Variants in ARHGAP22 observed in about 807,000 individuals in gnomAD.
The protein encoded by ARHGAP22 is Rho GTPase activating protein 22.
ARHGAP22 carries 48 observed loss-of-function variants against 59.1 expected under a neutral mutation model. The ratio of observed to expected loss-of-function variants is 0.81; its 90% CI spans 0.64 to 1.03. ARHGAP22 has a LOEUF of 1.03. Among genes scored for constraint, ARHGAP22 ranks in the 50% least tolerant of loss-of-function variants. The pLI, the probability that ARHGAP22 is intolerant of heterozygous loss-of-function variation, is 0.00. For synonymous variants in ARHGAP22, 445 were observed against 416.4 expected (o/e 1.07, Z -0.84); for missense variants, 1,015 against 958.7 (o/e 1.06, Z -0.78).
At chr10:48,615,044 T>G (rs1487115052) in intron 1 of ARHGAP22, among the ~76,000 whole-genome samples, 1 of 152,198 alleles carries the variant, frequency 6.6e-6, no homozygotes, top group African/African-American at 2.4e-5. Flanking sequence ...CCTAAAGCTC[T>G]GGAGAAAAGG....
intron 3 of ARHGAP22, among the ~76,000 whole-genome samples, chr10:48,534,425 G>A (rs2055159972): frequency 6.6e-6 from 1 of 152,212 alleles, no homozygotes; most frequent in South Asian, 2.1e-4. Flanking sequence ...ATGGGAAAGA[G>A]CAGGAGGCCA....
chr10:48,441,527 C>G (rs190759227), downstream of ARHGAP22, among the ~76,000 whole-genome samples: 363 of 151,260 alleles, frequency 2.4e-3, 1 homozygote, highest in African/African-American at 8.4e-3. Flanking sequence ...TCTCCGCTCA[C>G]TGCAAACTCC....
At chr10:48,545,611 C>T (rs76528962) in intron 3 of ARHGAP22, among the ~76,000 whole-genome samples, 60 of 152,318 alleles carry the variant, frequency 3.9e-4, no homozygotes, top group Middle Eastern at 3.4e-3. Flanking sequence ...ACTCAGGCGG[C>T]GGCTAATGTG....
At chr10:48,595,376 T>C (rs1034277768) in intron 1 of ARHGAP22, among the ~76,000 whole-genome samples, 12 of 152,282 alleles carry the variant, frequency 7.9e-5, no homozygotes, top group African/African-American at 2.6e-4. Flanking sequence ...ATCAAGTTAA[T>C]GCAATTTGCT....
intron 1 of ARHGAP22, among the ~76,000 whole-genome samples, chr10:48,600,085 G>T (rs1207422860): frequency 6.6e-6 from 1 of 152,120 alleles, no homozygotes; most frequent in Non-Finnish European, 1.5e-5. Context: ...TTCTGCCTCT[G>T]TTTTCTCCCT....
intron 6 of ARHGAP22, 74 bp from the exon 7 acceptor site, chr10:48,454,235 G>A: frequency 7.3e-7 from 1 of 1,377,738 alleles, no homozygotes; most frequent in Non-Finnish European, 1.0e-6. Context: ...GAGGAGGGGT[G>A]GGCAAAGAGA....
chr10:48,589,900 A>G (rs949408724), intron 1 of ARHGAP22, among the ~76,000 whole-genome samples: 2 of 152,190 alleles, frequency 1.3e-5, no homozygotes, highest in Non-Finnish European at 2.9e-5. Context: ...TACTACACAC[A>G]GAGGAAAATC....
At chr10:48,654,773 ACTTTCTTTCTTTCTTT>A (rs201340687), upstream of ARHGAP22, among the ~76,000 whole-genome samples, 3,744 of 112,290 alleles carry the variant, frequency 0.033, 87 homozygotes, top group Non-Finnish European at 0.044. Context: ...CATGCTGATT[ACTTTCTTTCTTTCTTT>A]CTTTCTTTCT....
At chr10:48,605,084 G>A (rs1053316358), upstream of ARHGAP22, 9 of 1,335,528 alleles carry the variant, frequency 6.7e-6, no homozygotes, top group Admixed American at 9.7e-5. Context: ...GGACCAGGGC[G>A]GGGCAGTCCC....
intron 4 of ARHGAP22, 100 bp from the exon 5 acceptor site, chr10:48,459,991 C>G: frequency 7.9e-7 from 1 of 1,259,752 alleles, no homozygotes; most frequent in South Asian, 1.4e-5. Context: ...CTAAAGGTGG[C>G]TCCTCCTCAG....
intron 3 of ARHGAP22, among the ~76,000 whole-genome samples, chr10:48,522,577 C>T (rs924384229): frequency 1.1e-4 from 17 of 152,208 alleles, no homozygotes; most frequent in Admixed American, 3.3e-4. Context: ...TAAAGCTGCT[C>T]GTCCAGGCCC....
At chr10:48,494,766 G>A (rs933375011) in intron 3 of ARHGAP22, among the ~76,000 whole-genome samples, 24 of 152,168 alleles carry the variant, frequency 1.6e-4, no homozygotes, top group African/African-American at 5.3e-4. Flanking sequence ...TGATGTGACT[G>A]TGGGCCTCCA....
At chr10:48,535,781 C>A (rs969510632) in intron 3 of ARHGAP22, among the ~76,000 whole-genome samples, 25 of 152,222 alleles carry the variant, frequency 1.6e-4, no homozygotes, top group Non-Finnish European at 4.4e-5. Flanking sequence ...GAAAGACTCT[C>A]AGTTCATGTG....
intron 2 of ARHGAP22, among the ~76,000 whole-genome samples, chr10:48,559,102 T>C (rs528859909): frequency 2.6e-5 from 4 of 152,184 alleles, no homozygotes; most frequent in African/African-American, 7.2e-5. Flanking sequence ...GGGAATTCTT[T>C]GAGGAGCGCA....
downstream of ARHGAP22, among the ~76,000 whole-genome samples, chr10:48,443,455 C>CAA (rs2133464872): frequency 6.6e-6 from 1 of 152,226 alleles, no homozygotes. Context: ...CCCCTGTGCT[C>CAA]AAGTGTTGCG....
chr10:48,449,207 T>C (rs1040251034), intron 9 of ARHGAP22, among the ~76,000 whole-genome samples: 2 of 152,256 alleles, frequency 1.3e-5, no homozygotes, highest in Non-Finnish European at 2.9e-5. Context: ...TTCTACTATA[T>C]TTCTGGAGGC....
chr10:48,552,359 C>A (rs139952303), intron 3 of ARHGAP22, among the ~76,000 whole-genome samples: 1 of 152,260 alleles, frequency 6.6e-6, no homozygotes, highest in African/African-American at 2.4e-5. Context: ...AGACCCCAGG[C>A]GGGGCTGTTA....
chr10:48,569,233 T>G (rs2058250735), intron 2 of ARHGAP22, among the ~76,000 whole-genome samples: 1 of 152,234 alleles, frequency 6.6e-6, no homozygotes, highest in Non-Finnish European at 1.5e-5. Flanking sequence ...TGCATTGACC[T>G]GCCCTGGCTG....
chr10:48,652,369 C>G, exon 1 of ARHGAP22: 1 of 1,203,606 alleles, frequency 8.3e-7, no homozygotes, highest in Non-Finnish European at 1.2e-6. Context: ...AAGCTAATTC[C>G]TGTTTTCCAG....
Sources: allele counts gnomAD v4.1 joint callset (sites outside exome capture counted in the v4.1 genomes callset), GRCh38; gene constraint gnomAD v4.1.1; transcripts MANE v1.5; gene names NCBI Gene and HGNC (gene_info 2026-07-23, HGNC 2026-07-21).